The following MARCO variants were observed in gnomAD, a reference collection of about 807,000 sequenced individuals.
MARCO encodes the protein macrophage receptor MARCO.
Under a neutral mutation model 70.0 loss-of-function variants are expected in MARCO, and 72 were observed. The ratio of observed to expected loss-of-function variants is 1.03; its 90% CI spans 0.85 to 1.25. The LOEUF (loss-of-function observed/expected upper bound fraction) is 1.25, where lower values mean the gene tolerates loss of function less well. Among genes scored for constraint, MARCO ranks in the 50% most tolerant of loss-of-function variants. The pLI is 0.00. For synonymous variants in MARCO, 273 were observed against 243.1 expected (o/e 1.12, Z -1.14); for missense variants, 696 against 659.3 (o/e 1.06, Z -0.61).
intron 8 of MARCO, among the ~76,000 whole-genome samples, chr2:118,978,480 C>T (rs186400451): frequency 2.8e-4 from 42 of 152,330 alleles, no homozygotes; most frequent in African/African-American, 8.9e-4. Context: ...GAAACACTGG[C>T]TTATGGGCTC....
chr2:118,992,542 G>T (rs1048627728), intron 15 of MARCO, 66 bp downstream of exon 15: 1 of 1,363,404 alleles, frequency 7.3e-7, no homozygotes, highest in Non-Finnish European at 1.0e-6. Flanking sequence ...AAAATTGTGT[G>T]TGTTGGGGGA....
chr2:118,992,551 G>A, intron 15 of MARCO, 75 bp downstream of exon 15: 1 of 1,275,174 alleles, frequency 7.8e-7, no homozygotes, highest in Non-Finnish European at 1.1e-6. Context: ...TGTGTTGGGG[G>A]AAGAGACCTT....
intron 4 of MARCO, among the ~76,000 whole-genome samples, chr2:118,972,013 T>C (rs1680182159): frequency 6.6e-6 from 1 of 152,156 alleles, no homozygotes; most frequent in African/African-American, 2.4e-5. Flanking sequence ...CGATCTGAGT[T>C]CTAATCCTGG....
Position 118,942,235 on chromosome 2 carries a change from A to G in MARCO, c.-66A>G. On this transcript the variant is annotated 5_prime_UTR_variant, in exon 1 of 17. Transcript: ENST00000327097. ...GTTCGATGGGAAGGATCTTTCTCCA[A>G]GTGGTTCCTCTTGAGGGGAGCATTT... The G allele has an allele frequency of 2.0e-6, 2 of 1,004,200 alleles. No homozygotes were observed. The highest frequency in any genetic ancestry group is 3.1e-6 in the Non-Finnish European group (2 of 636,192). The allele number at this position is 1,004,200 out of a possible 1,614,324, so 62.2% of individuals were successfully genotyped here. A position where few individuals can be genotyped will look rare whatever the true frequency, so the allele number is the denominator to read the frequency against.
chr2:118,944,311 T>G (rs1400380382), intron 1 of MARCO, among the ~76,000 whole-genome samples: 2 of 152,208 alleles, frequency 1.3e-5, no homozygotes, highest in Non-Finnish European at 2.9e-5. Flanking sequence ...TTTTCTTATA[T>G]GCATTCACAA....
At chr2:118,971,440 G>A (rs891005721) in intron 3 of MARCO, 59 bp from the exon 4 acceptor site, 2 of 1,563,016 alleles carry the variant, frequency 1.3e-6, no homozygotes, top group Admixed American at 3.3e-5. Context: ...ACTCTCAGTT[G>A]GGGCTTGGGC....
At chr2:118,991,136 G>A (rs796581486) in intron 13 of MARCO, among the ~76,000 whole-genome samples, 3 of 152,138 alleles carry the variant, frequency 2.0e-5, no homozygotes, top group East Asian at 1.9e-4. Flanking sequence ...CCAGCTGGAC[G>A]GTGTTTCTAG....
At chr2:118,944,983 C>T (rs369955041) in intron 1 of MARCO, 2 of 152,060 alleles carry the variant, frequency 1.3e-5, no homozygotes, top group East Asian at 3.9e-4. Flanking sequence ...ATTAACAATA[C>T]AAACTGTATA....
chr2:118,971,810 T>A (rs1680178002), intron 4 of MARCO, among the ~76,000 whole-genome samples: 1 of 152,234 alleles, frequency 6.6e-6, no homozygotes. Flanking sequence ...AGACCAGGCA[T>A]CATCTGGCTG....
At position 118,942,264 on chromosome 2, in the gene MARCO, C is replaced by A; in HGVS notation, c.-37C>A. On this transcript the variant is annotated 5_prime_UTR_variant, in exon 1 of 17. The change creates a new upstream start codon in the 5' untranslated region. Coordinates refer to ENST00000327097, the MANE Select transcript of MARCO (RefSeq NM_006770.4). ...GTTCCTCTTGAGGGGAGCATTTCTG[C>A]TGGCTCCAGGACTTTGGCCATCTAT... 1 of 1,421,348 alleles carries A rather than the reference C, an allele frequency of 7.0e-7. No individual in the cohort carries two copies. The allele number at this position is 1,421,348 out of a possible 1,614,324, so 88.0% of individuals were successfully genotyped here. A position where few individuals can be genotyped will look rare whatever the true frequency, so the allele number is the denominator to read the frequency against.
chr2:118,968,080 C>T (rs1680089991), intron 1 of MARCO, among the ~76,000 whole-genome samples: 1 of 152,176 alleles, frequency 6.6e-6, no homozygotes, highest in South Asian at 2.1e-4. Flanking sequence ...TGCAGGGTTG[C>T]TGCAATGGTT....
At chr2:118,993,087 C>A (rs201891103) in intron 15 of MARCO, 37 bp from the exon 16 acceptor site, 30 of 1,599,994 alleles carry the variant, frequency 1.9e-5, no homozygotes, top group Middle Eastern at 1.7e-4. Context: ...CCCCAAGGGG[C>A]CTTCCTTGCC....
At position 118,990,569 on chromosome 2, in the gene MARCO, C is replaced by CGGGGGGGGGGGGGGTG; in HGVS notation, c.1064-20_1064-19insGGGGGGGGGGGGGGTG. The CGGGGGGGGGGGGGGTG allele has an allele frequency of 7.1e-7, 1 of 1,415,986 alleles. No individual in the cohort carries two copies. Among genetic ancestry groups the CGGGGGGGGGGGGGGTG allele is most frequent in the Non-Finnish European group, 9.7e-7 (1 of 1,028,340 alleles). 87.7% of individuals were successfully genotyped at this position (1,415,986 alleles called of 1,614,324 possible). ...AGTTTTATTATCTCCTCCCCCCCCC[C>CGGGGGGGGGGGGGGTG]TTTTTTGTTTTGATCTTAGGACTTC... On this transcript the variant is annotated intron_variant, in intron 12 of 16. Transcript: ENST00000327097.
At chr2:118,976,782 C>T (rs1680291676) in intron 6 of MARCO, among the ~76,000 whole-genome samples, 1 of 152,198 alleles carries the variant, frequency 6.6e-6, no homozygotes, top group Non-Finnish European at 1.5e-5. Context: ...AATTCAAACA[C>T]ACTTGCCTGA....
chr2:118,958,880 G>C (rs778553804), intron 1 of MARCO, among the ~76,000 whole-genome samples: 27 of 151,092 alleles, frequency 1.8e-4, no homozygotes, highest in Non-Finnish European at 3.1e-4. Flanking sequence ...AAAATATAAA[G>C]TGGGGAAAGG....
At chr2:118,952,769 T>TGC (rs1410566355) in intron 1 of MARCO, 2 of 152,134 alleles carry the variant, frequency 1.3e-5, no homozygotes. Flanking sequence ...GGTGGTGTGG[T>TGC]GCCTCCTCAT....
At position 118,977,941 on chromosome 2, in the gene MARCO, G is replaced by A. The variant is rs1383591886; in HGVS notation, c.766+6G>A. The A allele has an allele frequency of 1.9e-6, 3 of 1,579,636 alleles. No homozygotes were observed. In the East Asian group the frequency reaches 6.9e-5, roughly 36 times the overall value. ...AGGAGACCTGGGTCTCCCAGGTGAG[G>A]GCCGTATTGGGGGTGTCGGTGCTTG... On this transcript the variant is annotated splice_donor_region_variant and intron_variant, in intron 8 of 16. Transcript: ENST00000327097.
At chr2:118,978,102 A>G (rs567062300) in intron 8 of MARCO, among the ~76,000 whole-genome samples, 167 bp downstream of exon 8, 85 of 152,280 alleles carry the variant, frequency 5.6e-4, no homozygotes, top group African/African-American at 2.0e-3. Flanking sequence ...GGGTGAGCAA[A>G]GAGATGCAAT....
chr2:118,970,135 T>C lies in MARCO; in HGVS notation c.221T>C (p.Leu74Pro). Residue 74 changes from leucine to proline, a missense_variant, in exon 3 of 17, where the codon CTC becomes CCC. By Grantham distance (98) the Leu-to-Pro change is moderately conservative (BLOSUM62 -3). Around this residue, in one of 3 missense-constraint regions of MARCO, gnomAD observed 605 missense variants for 537.6 expected, o/e 1.13. Coordinates refer to ENST00000327097, the MANE Select transcript of MARCO (RefSeq NM_006770.4). ...VVQVLNLQARLRVLEMYFLND... is the reference protein window; with the variant it reads ...VVQVLNLQARPRVLEMYFLND... ...CCAGTTCTGAATCTGCAGGCGCGGC[T>C]CCGGGTCCTGGAGATGTATTTCCTC... 1 of 1,614,078 alleles carries C rather than the reference T, an allele frequency of 6.2e-7. No homozygotes were observed.
Sources: allele counts gnomAD v4.1 joint callset (sites outside exome capture counted in the v4.1 genomes callset), GRCh38; gene constraint gnomAD v4.1.1; regional missense constraint gnomAD v4.1.1; transcripts MANE v1.5; gene names NCBI Gene and HGNC (gene_info 2026-07-23, HGNC 2026-07-21).